The following CPAMD8 variants were observed in gnomAD, a reference collection of about 807,000 sequenced individuals.
The protein encoded by CPAMD8 is C3 and PZP-like alpha-2-macroglobulin domain-containing protein 8.
CPAMD8 carries 146 observed loss-of-function variants against 224.7 expected under a neutral mutation model. The ratio of observed to expected loss-of-function variants is 0.65; its 90% confidence interval spans 0.57 to 0.75. The LOEUF (loss-of-function observed/expected upper bound fraction) is 0.75, where lower values mean the gene tolerates loss of function less well. Ranked by LOEUF, CPAMD8 falls within the 30% of genes least tolerant of loss-of-function variation. The probability of loss-of-function intolerance (pLI) is 0.00; values close to 1 mark genes in which losing one functional copy is unlikely to be tolerated. For missense variants in CPAMD8, 2,301 were observed against 2,537.5 expected, an observed-to-expected ratio of 0.91 and a Z score of 2.00; for synonymous variants, 966 against 1,044.6, an observed-to-expected ratio of 0.92 and a Z score of 1.45.
chr19:16,993,402 C>A lies in CPAMD8; in HGVS notation c.1266+14G>T, dbSNP rs374777732. 6.2e-7 allele frequency: 1 copy of A among 1,607,470 alleles called. No homozygotes were observed. Among genetic ancestry groups the A allele is most frequent in the East Asian group, 2.2e-5 (1 of 44,716 alleles). On this transcript the variant is annotated intron_variant, in intron 12 of 41. Coordinates refer to ENST00000443236, the MANE Select transcript of CPAMD8 (RefSeq NM_015692.5). ...CTGCTGGCTGAATAACAAGGGTCCA[C>A]GGGACTCACCCACCTCCAGCCACAC...
chr19:16,922,777 C>T (rs1230686207), intron 26 of CPAMD8, among the ~76,000 whole-genome samples: 3 of 151,946 alleles, frequency 2.0e-5, no homozygotes, highest in Admixed American at 2.0e-4. Context: ...TGAAACTACC[C>T]TATACCACAT....
chr19:16,945,397 C>G (rs796380619), intron 22 of CPAMD8, 152 bp downstream of exon 22: 2 of 980,714 alleles, frequency 2.0e-6, no homozygotes, highest in Non-Finnish European at 2.9e-6. Context: ...AGGAAGTACC[C>G]GAAAGTCCAG....
intron 26 of CPAMD8, among the ~76,000 whole-genome samples, chr19:16,923,497 G>C (rs1437802931): frequency 3.9e-5 from 6 of 152,164 alleles, no homozygotes; most frequent in African/African-American, 1.2e-4. Context: ...GGTGACCAAA[G>C]AAATTCTGTA....
At position 16,928,172 on chromosome 19, in the gene CPAMD8, T is replaced by A; in HGVS notation, c.3207A>T (p.Pro1069=). ...SVIVAWTLPR[P]PEVQFIGFST... is the part of the protein sequence containing the mutation. ...AAAAGCCAATGAACTGGACCTCTGG[T>A]GGCCTCGGGAGGGTCCAGGCCACAA... is the stretch of plus-strand genomic sequence containing the variant. Residue 1069 remains proline (P), a synonymous_variant, in exon 25 of 42, where the codon CCA becomes CCT. Coordinates refer to ENST00000443236, the MANE Select transcript of CPAMD8 (RefSeq NM_015692.5). 3 of 1,614,160 alleles carry A rather than the reference T, an allele frequency of 1.9e-6. No individual in the cohort carries two copies. Among genetic ancestry groups the A allele is most frequent in the Non-Finnish European group, 2.5e-6 (3 of 1,180,040 alleles).
chr19:17,007,721 C>T (rs2056531784), intron 7 of CPAMD8, among the ~76,000 whole-genome samples: 2 of 152,214 alleles, frequency 1.3e-5, no homozygotes, highest in South Asian at 4.1e-4. Context: ...CATCACACCC[C>T]TCACAGGCAA....
chr19:17,020,249 C>T, intron 3 of CPAMD8, 82 bp downstream of exon 3: 1 of 1,065,162 alleles, frequency 9.4e-7, no homozygotes, highest in Non-Finnish European at 1.5e-6. Flanking sequence ...GCTGGGATTA[C>T]ATGTGTGAGC....
intron 6 of CPAMD8, 50 bp downstream of exon 6, chr19:17,009,253 G>T: frequency 6.2e-7 from 1 of 1,613,804 alleles, no homozygotes; most frequent in South Asian, 1.1e-5. Flanking sequence ...TGCAGAAGGT[G>T]GGCTACCCGG....
At position 16,999,124 on chromosome 19, in the gene CPAMD8, A is replaced by T. The variant is rs114178284; in HGVS notation, c.867+1290T>A. Among the ~76,000 whole-genome samples the T allele has an allele frequency of 1.0e-2, 1,516 of 152,334 alleles. 30 individuals are homozygous for T. Among genetic ancestry groups the T allele is most frequent in the African/African-American group, 0.033 (1,390 of 41,576 alleles). On this transcript the variant is annotated intron_variant, in intron 10 of 41. Coordinates refer to ENST00000443236, the MANE Select transcript of CPAMD8 (RefSeq NM_015692.5). ...ATTCATTCACAGAAATGTCCAGAAC[A>T]GGCAAATCTACAGAGACAGAAAACA... is the stretch of plus-strand genomic sequence containing the variant.
At chr19:16,951,099 T>G (rs930810882) in intron 20 of CPAMD8, among the ~76,000 whole-genome samples, 2 of 152,198 alleles carry the variant, frequency 1.3e-5, no homozygotes, top group African/African-American at 4.8e-5. Context: ...CTTAATGTTC[T>G]CAGTGTCTAC....
intron 19 of CPAMD8, 31 bp from the exon 20 acceptor site, chr19:16,952,231 G>A (rs981737032): frequency 1.0e-5 from 13 of 1,304,756 alleles, no homozygotes; most frequent in Non-Finnish European, 1.3e-5. Context: ...ATGATGGGGG[G>A]CCCTTCTCCA....
chr19:17,022,090 C>T lies in CPAMD8; in HGVS notation c.184G>A (p.Val62Ile). ...TIFNSPREVT[V>I]QAQLVAQGEP... is the part of the protein sequence containing the mutation. ...CCCTGGGCCACCAGCTGAGCCTGGA[C>T]CGTGACTTCCCTTGGAGAGTTAAAG... The change falls in exon 2 of 42, where the codon GTC (valine) becomes ATC (isoleucine). Residue 62 changes from valine (V) to isoleucine (I), a missense_variant. Around this residue, in one of 4 missense-constraint regions of CPAMD8, gnomAD observed 283 missense variants for 340.6 expected, o/e 0.83. Transcript: ENST00000443236. 6.2e-7 allele frequency: 1 copy of T among 1,605,212 alleles called. No individual in the cohort carries two copies. Among genetic ancestry groups the T allele is most frequent in the Non-Finnish European group, 8.5e-7 (1 of 1,175,894 alleles).
At chr19:16,928,310 T>C in intron 24 of CPAMD8, 76 bp from the exon 25 acceptor site, 5 of 1,228,814 alleles carry the variant, frequency 4.1e-6, no homozygotes, top group Non-Finnish European at 4.7e-6. Flanking sequence ...TGACACCAGC[T>C]TTGTGGCCAG....
At chr19:16,957,616 G>A (rs544667665) in intron 19 of CPAMD8, 2 of 528,676 alleles carry the variant, frequency 3.8e-6, no homozygotes, top group Non-Finnish European at 6.8e-6. Flanking sequence ...CCCCAAGAGG[G>A]AGTTATAAGA....
chr19:16,944,486 G>A (rs995449201), intron 22 of CPAMD8, among the ~76,000 whole-genome samples: 11 of 152,126 alleles, frequency 7.2e-5, no homozygotes, highest in Non-Finnish European at 1.2e-4. Context: ...AGGCAAGAAC[G>A]CCAGGCCTCC....
intron 11 of CPAMD8, among the ~76,000 whole-genome samples, chr19:16,995,307 C>T (rs1226098899): frequency 2.6e-5 from 4 of 152,258 alleles, no homozygotes; most frequent in Non-Finnish European, 4.4e-5. Context: ...ATGTGGCCCA[C>T]TTTCCCCTTG....
rs1420614451 is a variant in CPAMD8, at chr19:16,913,961, C to T, written c.3861+463G>A. Among the ~76,000 whole-genome samples, 6 of 152,124 alleles carry T rather than the reference C, an allele frequency of 3.9e-5. No individual in the cohort carries two copies. The East Asian group carries it at 9.6e-4, about 24-fold the overall frequency. ...AAAGCCTCATAGAAGAGACTATGGC[C>T]CTCAAGTCTCTTGGGCCATCTAAGC... On this transcript the variant is annotated intron_variant, in intron 29 of 41. Coordinates refer to ENST00000443236, the MANE Select transcript of CPAMD8 (RefSeq NM_015692.5).
In CPAMD8 at chr19:16,914,411, C is replaced by T. The variant is rs1403670791; in HGVS notation, c.3861+13G>A. On this transcript the variant is annotated intron_variant, in intron 29 of 41. Coordinates refer to ENST00000443236, the MANE Select transcript of CPAMD8 (RefSeq NM_015692.5). ...CCCAGCCCCGAGTCTCCCCAAACCC[C>T]TTCTGTACTCACCTCTGAGGCTGTG... 2 of 1,613,526 alleles carry T rather than the reference C, an allele frequency of 1.2e-6. No homozygotes were observed. Among genetic ancestry groups the T allele is most frequent in the South Asian group, 1.1e-5 (1 of 91,078 alleles).
chr19:16,926,779 C>T (rs1434112102), intron 25 of CPAMD8, among the ~76,000 whole-genome samples: 4 of 152,280 alleles, frequency 2.6e-5, no homozygotes, highest in South Asian at 2.1e-4. Context: ...TCCCAGACGT[C>T]GCCTCCTCTC....
chr19:16,989,564 G>T, intron 13 of CPAMD8, 79 bp downstream of exon 13: 5 of 1,532,828 alleles, frequency 3.3e-6, no homozygotes, highest in Non-Finnish European at 4.4e-6. Flanking sequence ...TGGGATTACA[G>T]GCATGAGCCA....
Sources: gnomAD v4.1 joint callset for allele counts (sites outside exome capture counted in the v4.1 genomes callset) on GRCh38, gnomAD v4.1.1 for gene constraint, gnomAD v4.1.1 regional missense constraint, MANE v1.5 for transcripts, NCBI Gene and HGNC (gene_info 2026-07-23, HGNC 2026-07-21) for gene names.